LAG3: variants seen among roughly 807,000 people sequenced by gnomAD.
LAG3 encodes lymphocyte activation gene 3 protein.
Under a neutral mutation model 49.0 loss-of-function variants are expected in LAG3, and 29 were observed. The ratio of observed to expected loss-of-function variants is 0.59; its 90% CI spans 0.44 to 0.81. LAG3 has a LOEUF of 0.81. Among genes scored for constraint, LAG3 ranks in the 30% least tolerant of loss-of-function variants. The pLI is 0.00. For missense variants in LAG3, 693 were observed against 695.2 expected, an observed-to-expected ratio of 1.00 and a Z score of 0.04; for synonymous variants, 320 against 297.3, an observed-to-expected ratio of 1.08 and a Z score of -0.79.
chr12:6,777,702 G>T (rs1941923975), intron 6 of LAG3, 89 bp from the exon 7 acceptor site: 1 of 1,529,090 alleles, frequency 6.5e-7, no homozygotes, highest in Non-Finnish European at 9.0e-7. Context: ...TAAACTCTCT[G>T]GATCTCATTG....
chr12:6,778,351 ACCGGAGCCCGAGCCCGAGCCCGAG>A lies in LAG3; in HGVS notation c.1547_1570del (p.Pro516_Glu523del). Reference sequence around the variant, plus strand: ...AACCGGAGCCGGAGCCGGAGCCGGAACCGGAGCCCGAGCCCGAGCCCGAGCCGGAGCAGCTCTGACCTGGAGCTG... The same window carrying A: ...AACCGGAGCCGGAGCCGGAGCCGGAACCGGAGCAGCTCTGACCTGGAGCTG... On this transcript the variant is annotated inframe_deletion, in exon 8 of 8. Transcript: ENST00000203629. The A allele has an allele frequency of 6.2e-7, 1 of 1,605,354 alleles. No homozygotes were observed. The highest frequency in any genetic ancestry group is 8.5e-7 in the Non-Finnish European group (1 of 1,176,574).
intron 5 of LAG3, 127 bp downstream of exon 5, chr12:6,775,675 G>C: frequency 1.1e-6 from 1 of 885,424 alleles, no homozygotes; most frequent in Non-Finnish European, 1.7e-6. Flanking sequence ...AAGTTCCAGA[G>C]CCTGCCCATC....
intron 5 of LAG3, 116 bp downstream of exon 5, chr12:6,775,664 C>A (rs1941899863): frequency 1.0e-6 from 1 of 991,444 alleles, no homozygotes; most frequent in Non-Finnish European, 1.5e-6. Flanking sequence ...CCACTGGGCA[C>A]AAGTTCCAGA....
At chr12:6,775,987 G>T (rs921039832) in intron 5 of LAG3, among the ~76,000 whole-genome samples, 1 of 152,146 alleles carries the variant, frequency 6.6e-6, no homozygotes, top group Non-Finnish European at 1.5e-5. Flanking sequence ...CTGAGCAAGG[G>T]TTTTCCAAGA....
Position 6,773,790 on chromosome 12 carries a change from G to A in LAG3, c.300G>A (p.Thr100=), listed in dbSNP as rs1052242083. ...GGGGGCCCAGGCCCCGCCGCTACAC[G>A]GTGCTGAGCGTGGGTCCCGGAGGCC... ...SSWGPRPRRY[T]VLSVGPGGLR... The change falls in exon 3 of 8, where the codon ACG becomes ACA. Residue 100 remains threonine (T), a synonymous_variant. Transcript: ENST00000203629. This position sits in a 1 kb window ranked among gnomAD's most constrained non-coding sequence, Gnocchi z 5.5. 7.8e-5 allele frequency: 107 copies of A among 1,364,012 alleles called. No homozygotes were observed. Among genetic ancestry groups the A allele is most frequent in the Admixed American group, 1.5e-4 (4 of 26,598 alleles). The allele number at this position is 1,364,012 out of a possible 1,614,324, so 84.5% of individuals were successfully genotyped here.
chr12:6,774,143 C>A, intron 3 of LAG3, 142 bp downstream of exon 3: 4 of 1,287,740 alleles, frequency 3.1e-6, no homozygotes, highest in East Asian at 3.1e-5. Context: ...AGGGGGTGGG[C>A]GGCCTGCTGG....
Position 6,772,633 on chromosome 12 carries a change from T to A in LAG3, c.-220T>A. 7.3e-5 allele frequency: 28 copies of A among 382,940 alleles called. No homozygotes were observed. The highest frequency in any genetic ancestry group is 1.3e-4 in the East Asian group (3 of 22,660). 23.7% of individuals were successfully genotyped at this position (382,940 alleles called of 1,614,324 possible). ...CCCGCCCCCACCTCCTCAGGCTGCC[T>A]GATCTGCCCAGCTTTCCAGCTTTCC... On this transcript the variant is annotated 5_prime_UTR_variant, in exon 1 of 8. Transcript: ENST00000203629.
chr12:6,773,785 T>G lies in LAG3; in HGVS notation c.295T>G (p.Tyr99Asp). 1 of 1,358,438 alleles carries G rather than the reference T, an allele frequency of 7.4e-7. No homozygotes were observed. The highest frequency in any genetic ancestry group is 9.4e-7 in the Non-Finnish European group (1 of 1,060,834). 84.1% of individuals were successfully genotyped at this position (1,358,438 alleles called of 1,614,324 possible). A position where few individuals can be genotyped will look rare whatever the true frequency, so the allele number is the denominator to read the frequency against. Residue 99 changes from tyrosine to aspartate, a missense_variant, in exon 3 of 8, where the codon TAC becomes GAC. By Grantham distance (160) the Tyr-to-Asp change is radical. Transcript: ENST00000203629. This position sits in a 1 kb window ranked among gnomAD's most constrained non-coding sequence, Gnocchi z 5.5. The stretch of plus-strand genomic sequence containing the variant: ...CTCCTGGGGGCCCAGGCCCCGCCGC[T>G]ACACGGTGCTGAGCGTGGGTCCCGG... ...PSSWGPRPRRYTVLSVGPGGL... is the reference protein window; with the variant it reads ...PSSWGPRPRRDTVLSVGPGGL...
rs1189637913 is a variant in LAG3, at chr12:6,774,867, A to G, written c.781+3A>G. 6 of 1,608,992 alleles carry G rather than the reference A, an allele frequency of 3.7e-6. No homozygotes were observed. The highest frequency in any genetic ancestry group is 1.7e-5 in the Admixed American group (1 of 59,766). On this transcript the variant is annotated splice_donor_region_variant and intron_variant, in intron 4 of 7. Transcript: ENST00000203629. The stretch of plus-strand genomic sequence containing the variant: ...CATGTATAACCTCACTGTTCTGGGT[A>G]ACTCCCCCACTCTGCTTCACATTTG...
In LAG3 at chr12:6,773,932, C is replaced by G. The variant is rs1009771955; in HGVS notation, c.442C>G (p.Arg148Gly). The change falls in exon 3 of 8, where the codon CGC becomes GGC. Residue 148 changes from arginine to glycine, a missense_variant. Arg to Gly is a moderately radical substitution (Grantham distance 125). Transcript: ENST00000203629. The surrounding 1 kb of genome is among the most constrained non-coding windows in gnomAD (Gnocchi z 5.5). Reference sequence around the variant, plus strand: ...CCGGCGCGCGGACGCCGGCGAGTACCGCGCCGCGGTGCACCTCAGGGACCG... The same window carrying G: ...CCGGCGCGCGGACGCCGGCGAGTACGGCGCCGCGGTGCACCTCAGGGACCG... ...PARRADAGEY[R>G]AAVHLRDRAL... 10 of 1,398,910 alleles carry G rather than the reference C, an allele frequency of 7.1e-6. No homozygotes were observed. The highest frequency in any genetic ancestry group is 9.2e-6 in the Non-Finnish European group (10 of 1,085,332). The allele number at this position is 1,398,910 out of a possible 1,614,324, so 86.7% of individuals were successfully genotyped here.
chr12:6,773,027 T>C lies in LAG3; in HGVS notation c.58+117T>C, dbSNP rs2137805308. On this transcript the variant is annotated intron_variant, in intron 1 of 7. Coordinates refer to ENST00000203629, the MANE Select transcript of LAG3 (RefSeq NM_002286.6). The surrounding 1 kb of genome is among the most constrained non-coding windows in gnomAD (Gnocchi z 5.5). ...GCTCTGTGGATTCTTCTAATCCCTT[T>C]TTTGGGCAGTCCTTCCACCCCGAAA... is the stretch of plus-strand genomic sequence containing the variant. The C allele has an allele frequency of 7.2e-7, 1 of 1,380,428 alleles. No individual in the cohort carries two copies. Among genetic ancestry groups the C allele is most frequent in the South Asian group, 1.2e-5 (1 of 81,496 alleles). The allele number at this position is 1,380,428 out of a possible 1,614,324, so 85.5% of individuals were successfully genotyped here.
At chr12:6,775,806 G>A (rs1271707178) in intron 5 of LAG3, 3 of 471,048 alleles carry the variant, frequency 6.4e-6, no homozygotes, top group African/African-American at 1.9e-5. Flanking sequence ...TGGCGGGAGG[G>A]TCTGGGAAGT....
At chr12:6,777,069 G>A (rs1055335231) in intron 5 of LAG3, among the ~76,000 whole-genome samples, 195 bp from the exon 6 acceptor site, 2 of 152,102 alleles carry the variant, frequency 1.3e-5, no homozygotes, top group Admixed American at 6.5e-5. Flanking sequence ...TGGTGAAAAC[G>A]CATCTGTATA....
Position 6,777,919 on chromosome 12 carries a change from C to A in LAG3, c.1429C>A (p.Gln477Lys). Residue 477 changes from glutamine to lysine, a missense_variant and splice_region_variant, in exon 7 of 8, where the codon CAG (glutamine) becomes AAG (lysine). By Grantham distance (53) the Gln-to-Lys change is moderately conservative (BLOSUM62 1). Transcript: ENST00000203629. Reference protein sequence around the residue: ...GAFGFHLWRRQWRPRRFSALE... With the variant: ...GAFGFHLWRRKWRPRRFSALE... ...CTTTGGCTTTCACCTTTGGAGAAGACAGGTGAGCCAGGGACATGGCAACCC... is the reference window on the plus strand; with the variant it reads ...CTTTGGCTTTCACCTTTGGAGAAGAAAGGTGAGCCAGGGACATGGCAACCC... 1.2e-6 allele frequency: 2 copies of A among 1,613,304 alleles called. No individual in the cohort carries two copies. The highest frequency in any genetic ancestry group is 2.2e-5 in the South Asian group (2 of 91,070).
In LAG3 at chr12:6,772,737, T is replaced by C; in HGVS notation, c.-116T>C. 1 of 796,538 alleles carries C rather than the reference T, an allele frequency of 1.3e-6. No homozygotes were observed. The highest frequency in any genetic ancestry group is 2.0e-6 in the Non-Finnish European group (1 of 492,494). 49.3% of individuals were successfully genotyped at this position (796,538 alleles called of 1,614,324 possible). A position where few individuals can be genotyped will look rare whatever the true frequency, so the allele number is the denominator to read the frequency against. ...CTGGTCTCCCTTCTTCTAGAACCCC[T>C]TCCTCCACCTCCCTCTCTGCAGAAC... On this transcript the variant is annotated 5_prime_UTR_variant, in exon 1 of 8. Transcript: ENST00000203629.
In LAG3 at chr12:6,774,604, GC is replaced by G; in HGVS notation, c.527del (p.Pro176GlnfsTer12). On this transcript the variant is annotated frameshift_variant, in exon 4 of 8. Transcript: ENST00000203629. LOFTEE classifies it high-confidence loss of function. Reference sequence around the variant, plus strand: ...CTTTATCCTTGCACAGTGACTGCCAGCCCCCCAGGATCTCTCAGAGCCTCCG... The same window carrying G: ...CTTTATCCTTGCACAGTGACTGCCAGCCCCCAGGATCTCTCAGAGCCTCCG... ...LRLGQASMTA[S>X]PPGSLRASDW... 1 of 1,613,446 alleles carries G rather than the reference GC, an allele frequency of 6.2e-7. No individual in the cohort carries two copies. Among genetic ancestry groups the G allele is most frequent in the Non-Finnish European group, 8.5e-7 (1 of 1,179,708 alleles).
Position 6,774,703 on chromosome 12 carries a change from G to A in LAG3, c.620G>A (p.Gly207Asp), listed in dbSNP as rs900193375. 11 of 1,614,134 alleles carry A rather than the reference G, an allele frequency of 6.8e-6. No homozygotes were observed. The South Asian group carries it at 9.9e-5, about 14-fold the overall frequency. Residue 207 changes from glycine (G) to aspartate (D), a missense_variant, in exon 4 of 8, where the codon GGC (glycine) becomes GAC (aspartate). Physicochemically the swap from Gly to Asp is moderately conservative, Grantham distance 94. Transcript: ENST00000203629. ...PASVHWFRNRGQGRVPVRESP... is the reference protein window; with the variant it reads ...PASVHWFRNRDQGRVPVRESP... The stretch of plus-strand genomic sequence containing the variant: ...TCTGTGCATTGGTTCCGGAACCGGG[G>A]CCAGGGCCGAGTCCCTGTCCGGGAG...
At chr12:6,777,950 C>A in intron 7 of LAG3, 29 bp downstream of exon 7, 1 of 1,610,756 alleles carries the variant, frequency 6.2e-7, no homozygotes, top group Non-Finnish European at 8.5e-7. Context: ...AACCCCGCCC[C>A]CCAGCAGCTC....
At position 6,778,358 on chromosome 12, in the gene LAG3, C is replaced by T. The variant is rs1941933043; in HGVS notation, c.1546C>T (p.Pro516Ser). The change falls in exon 8 of 8, where the codon CCC becomes TCC. Residue 516 changes from proline (P) to serine (S), a missense_variant. By Grantham distance (74) the Pro-to-Ser change is moderately conservative (BLOSUM62 -1). Coordinates refer to ENST00000203629, the MANE Select transcript of LAG3 (RefSeq NM_002286.6). Reference sequence around the variant, plus strand: ...GCCGGAGCCGGAGCCGGAACCGGAGCCCGAGCCCGAGCCCGAGCCGGAGCA... The same window carrying T: ...GCCGGAGCCGGAGCCGGAACCGGAGTCCGAGCCCGAGCCCGAGCCGGAGCA... ...PEPEPEPEPEPEPEPEPEQL is the reference protein window; with the variant it reads ...PEPEPEPEPESEPEPEPEQL The T allele has an allele frequency of 6.2e-7, 1 of 1,611,004 alleles. No homozygotes were observed. The highest frequency in any genetic ancestry group is 1.3e-5 in the African/African-American group (1 of 74,870).
Sources: gnomAD v4.1 joint callset for allele counts (sites outside exome capture counted in the v4.1 genomes callset) on GRCh38, gnomAD v4.1.1 for gene constraint, Gnocchi (gnomAD v3.1) non-coding constraint, MANE v1.5 for transcripts, NCBI Gene and HGNC (gene_info 2026-07-23, HGNC 2026-07-21) for gene names.